The following PLCB1 variants were observed in gnomAD, a reference collection of about 807,000 sequenced individuals.
PLCB1 encodes phospholipase C beta 1.
In PLCB1, 46 loss-of-function variants were observed where a neutral mutation model predicts 161.8. The ratio of observed to expected loss-of-function variants is 0.28; its 90% CI spans 0.22 to 0.36. The LOEUF is 0.36. PLCB1 is among the 10% of genes least tolerant of loss of function. The pLI is 1.00. For synonymous variants in PLCB1, 517 were observed against 503.7 expected, an observed-to-expected ratio of 1.03 and a Z score of -0.35; for missense variants, 1,016 against 1,472.5, an observed-to-expected ratio of 0.69 and a Z score of 5.07.
At chr20:8,458,106 G>A (rs1450479507) in intron 3 of PLCB1, among the ~76,000 whole-genome samples, 1 of 152,164 alleles carries the variant, frequency 6.6e-6, no homozygotes, top group Non-Finnish European at 1.5e-5. Flanking sequence ...GTGAACATCT[G>A]ATGTGGTTGG....
chr20:8,398,743 A>C (rs1356830559), intron 3 of PLCB1, among the ~76,000 whole-genome samples: 1 of 151,822 alleles, frequency 6.6e-6, no homozygotes, highest in Admixed American at 6.6e-5. Context: ...TTAATAGCAC[A>C]ATGCTCATTT....
At chr20:8,733,962 A>T (rs1980432431) in intron 19 of PLCB1, among the ~76,000 whole-genome samples, 1 of 89,348 alleles carries the variant, frequency 1.1e-5, no homozygotes, top group Non-Finnish European at 2.8e-5. Flanking sequence ...TCTACTAAAA[A>T]ATACAAAAAA....
intron 3 of PLCB1, among the ~76,000 whole-genome samples, chr20:8,488,214 G>A (rs1193957802): frequency 6.6e-6 from 1 of 152,166 alleles, no homozygotes; most frequent in African/African-American, 2.4e-5. Flanking sequence ...GTCTAGGAAT[G>A]TAAATCTTAA....
At position 8,454,976 on chromosome 20, in the gene PLCB1, A is replaced by C. The variant is rs189749824; in HGVS notation, c.246+83526A>C. Among the ~76,000 whole-genome samples the C allele has an allele frequency of 2.4e-3, 360 of 150,518 alleles. 1 individual carries two copies. Among genetic ancestry groups the C allele is most frequent in the Non-Finnish European group, 3.9e-3 (264 of 67,736 alleles). ...TGATCCATATTTCTTGAATATAAGGATGGATGAATGAATGAATGAATGGGT... is the reference window on the plus strand; with the variant it reads ...TGATCCATATTTCTTGAATATAAGGCTGGATGAATGAATGAATGAATGGGT... On this transcript the variant is annotated intron_variant, in intron 3 of 31. Transcript: ENST00000338037.
At chr20:8,773,875 G>A (rs1905026602) in intron 26 of PLCB1, among the ~76,000 whole-genome samples, 1 of 151,120 alleles carries the variant, frequency 6.6e-6, no homozygotes, top group African/African-American at 2.5e-5. Context: ...TCAGGAGGCT[G>A]AGGCAGGAGA....
intron 3 of PLCB1, among the ~76,000 whole-genome samples, chr20:8,537,604 G>A (rs577404929): frequency 3.7e-4 from 57 of 152,210 alleles, no homozygotes; most frequent in African/African-American, 1.3e-3. Flanking sequence ...TGCCTGACTA[G>A]CTACCTACTG....
chr20:8,225,475 T>C (rs1471847849), intron 2 of PLCB1, among the ~76,000 whole-genome samples: 1 of 152,238 alleles, frequency 6.6e-6, no homozygotes, highest in African/African-American at 2.4e-5. Flanking sequence ...TTGAGGCTTA[T>C]AGTATTTTAG....
chr20:8,206,742 A>G (rs951467656), intron 2 of PLCB1, among the ~76,000 whole-genome samples: 3 of 152,106 alleles, frequency 2.0e-5, no homozygotes, highest in African/African-American at 7.2e-5. Context: ...AAAAGAAAAC[A>G]TGCACAAAGA....
At chr20:8,524,453 C>G (rs1050578681) in intron 3 of PLCB1, among the ~76,000 whole-genome samples, 6 of 152,132 alleles carry the variant, frequency 3.9e-5, no homozygotes, top group African/African-American at 1.2e-4. Context: ...GGTCATGGCA[C>G]TTGTTTCTCT....
chr20:8,559,485 G>C (rs1158031271), intron 3 of PLCB1, among the ~76,000 whole-genome samples: 1 of 151,906 alleles, frequency 6.6e-6, no homozygotes, highest in African/African-American at 2.4e-5. Flanking sequence ...ACTTTTAAAT[G>C]TAAATGAGCT....
chr20:8,627,574 A>G (rs774943456), intron 3 of PLCB1, among the ~76,000 whole-genome samples: 5 of 152,238 alleles, frequency 3.3e-5, no homozygotes, highest in Non-Finnish European at 7.3e-5. Context: ...AAATAACTTC[A>G]GCCAAGCTGA....
chr20:8,530,551 T>C (rs940973456), intron 3 of PLCB1, among the ~76,000 whole-genome samples: 12 of 152,142 alleles, frequency 7.9e-5, no homozygotes, highest in African/African-American at 2.9e-4. Flanking sequence ...AATCAAAGAA[T>C]ATGTTCAGCA....
At chr20:8,506,393 A>C (rs976167754) in intron 3 of PLCB1, among the ~76,000 whole-genome samples, 4 of 152,202 alleles carry the variant, frequency 2.6e-5, no homozygotes, top group Admixed American at 6.5e-5. Context: ...GAAATCATCT[A>C]TATCAATCTT....
chr20:8,760,357 T>C (rs1384822887), intron 24 of PLCB1, 50 bp from the exon 25 acceptor site: 1 of 1,165,180 alleles, frequency 8.6e-7, no homozygotes, highest in Non-Finnish European at 1.3e-6. Context: ...ACAGGAAGAA[T>C]AAAATTTAAA....
chr20:8,536,362 C>T (rs1181866813), intron 3 of PLCB1, among the ~76,000 whole-genome samples: 3 of 152,228 alleles, frequency 2.0e-5, no homozygotes, highest in South Asian at 4.1e-4. Flanking sequence ...CTGATCTTTC[C>T]GGCTTTGTAG....
chr20:8,647,926 C>T lies in PLCB1; in HGVS notation c.491C>T (p.Thr164Ile). 6.3e-7 allele frequency: 1 copy of T among 1,593,626 alleles called. No individual in the cohort carries two copies. The highest frequency in any genetic ancestry group is 8.5e-7 in the Non-Finnish European group (1 of 1,173,624). ...KAYTKLKLQVTPEGRIPLKNI... is the reference protein window; with the variant it reads ...KAYTKLKLQVIPEGRIPLKNI... ...TATACTAAACTTAAGCTGCAAGTCACTCCAGAAGGGCGTATTCCTCTCAAA... is the reference window on the plus strand; with the variant it reads ...TATACTAAACTTAAGCTGCAAGTCATTCCAGAAGGGCGTATTCCTCTCAAA... Residue 164 changes from threonine to isoleucine, a missense_variant, in exon 6 of 32, where the codon ACT (threonine) becomes ATT (isoleucine). By Grantham distance (89) the Thr-to-Ile change is moderately conservative. Around this residue, in one of 10 missense-constraint regions of PLCB1, gnomAD observed 181 missense variants for 236.7 expected, o/e 0.76. Transcript: ENST00000338037.
chr20:8,266,513 T>A (rs982244513), intron 2 of PLCB1, among the ~76,000 whole-genome samples: 2 of 152,290 alleles, frequency 1.3e-5, no homozygotes, highest in African/African-American at 4.8e-5. Context: ...TTAAAGAAAG[T>A]CTATGGCCAA....
Position 8,748,252 on chromosome 20 carries a change from G to A in PLCB1, c.2523+6679G>A, listed in dbSNP as rs571320444. On this transcript the variant is annotated intron_variant, in intron 23 of 31. Coordinates refer to ENST00000338037, the MANE Select transcript of PLCB1 (RefSeq NM_015192.4). ...CATTCACAATGCACTTTCATTGGAT[G>A]CCTTGGATAAAACTGGGTCCTAACT... Among the ~76,000 whole-genome samples the A allele has an allele frequency of 2.7e-4, 41 of 152,272 alleles. 1 individual carries two copies. In the South Asian group the frequency reaches 7.9e-3, roughly 29 times the overall value.
At chr20:8,381,844 A>G (rs1450626719) in intron 3 of PLCB1, among the ~76,000 whole-genome samples, 1 of 151,688 alleles carries the variant, frequency 6.6e-6, no homozygotes, top group Non-Finnish European at 1.5e-5. Flanking sequence ...TTTCTTCTTT[A>G]TTAGTCTAGC....
Sources: gnomAD v4.1 joint callset for allele counts (sites outside exome capture counted in the v4.1 genomes callset) on GRCh38, gnomAD v4.1.1 for gene constraint, gnomAD v4.1.1 regional missense constraint, MANE v1.5 for transcripts, NCBI Gene and HGNC (gene_info 2026-07-23, HGNC 2026-07-21) for gene names.